Variants in MERTK observed in about 807,000 individuals in gnomAD.
MERTK encodes tyrosine-protein kinase Mer.
Under a neutral mutation model 99.3 loss-of-function variants are expected in MERTK, and 69 were observed. The ratio of observed to expected loss-of-function variants is 0.70; its 90% confidence interval spans 0.57 to 0.85. MERTK has a LOEUF of 0.85. Among genes scored for constraint, MERTK ranks in the 40% least tolerant of loss-of-function variants. The pLI is 0.00. For synonymous variants in MERTK, 426 were observed against 467.6 expected, an observed-to-expected ratio of 0.91 and a Z score of 1.15; for missense variants, 1,125 against 1,249.4, an observed-to-expected ratio of 0.90 and a Z score of 1.50.
intron 15 of MERTK, among the ~76,000 whole-genome samples, chr2:112,014,317 G>C (rs371286757): frequency 6.6e-6 from 1 of 151,070 alleles, no homozygotes; most frequent in Non-Finnish European, 1.5e-5. Context: ...CACCGTGCCC[G>C]GCCATGCCTG....
rs201000426 is a variant in MERTK at position 112,014,635 on chromosome 2, CT to C, written c.2079+4581del. Among the ~76,000 whole-genome samples the C allele has an allele frequency of 4.6e-3, 678 of 145,922 alleles. 5 individuals are homozygous for C. The highest frequency in any genetic ancestry group is 0.015 in the African/African-American group (597 of 39,944). On this transcript the variant is annotated intron_variant, in intron 15 of 18. Coordinates refer to ENST00000295408, the MANE Select transcript of MERTK (RefSeq NM_006343.3). ...ATAAATGGAGTCATACATTTATAAC[CT>C]TTTTTTTTTTTCTTTTTGAGACAGA...
chr2:111,963,204 G>A (rs1290765080), intron 4 of MERTK, among the ~76,000 whole-genome samples: 1 of 152,216 alleles, frequency 6.6e-6, no homozygotes, highest in African/African-American at 2.4e-5. Context: ...CAGTATTGCT[G>A]CCGCATGTCC....
At chr2:112,026,873 A>G (rs1279183133) in intron 18 of MERTK, among the ~76,000 whole-genome samples, 1 of 152,226 alleles carries the variant, frequency 6.6e-6, no homozygotes, top group East Asian at 1.9e-4. Flanking sequence ...CAATATGGAA[A>G]TTGCATATTT....
chr2:112,029,141 G>A lies in MERTK; in HGVS notation c.*277G>A. The A allele has an allele frequency of 2.7e-6, 3 of 1,099,208 alleles. No individual in the cohort carries two copies. The highest frequency in any genetic ancestry group is 2.2e-6 in the Non-Finnish European group (2 of 896,172). The allele number at this position is 1,099,208 out of a possible 1,614,324, so 68.1% of individuals were successfully genotyped here. On this transcript the variant is annotated 3_prime_UTR_variant, in exon 19 of 19. Transcript: ENST00000295408. ...CTTATCTTGCATATCTTAAAATTAA[G>A]CTTCAGCTGCTCCTTGATATTAACA...
intron 14 of MERTK, 184 bp downstream of exon 14, chr2:112,008,659 T>A: frequency 1.4e-6 from 1 of 694,644 alleles, no homozygotes; most frequent in South Asian, 1.5e-5. Context: ...ATAGTAATAA[T>A]GAGTTTGCAT....
intron 15 of MERTK, among the ~76,000 whole-genome samples, chr2:112,012,307 C>T (rs1014191732): frequency 2.1e-5 from 2 of 94,772 alleles, no homozygotes; most frequent in Admixed American, 1.1e-4. Context: ...ACTTCCCCCC[C>T]ACCCCCACAC....
At position 111,932,014 on chromosome 2, in the gene MERTK, A is replaced by G. The variant is rs189126202; in HGVS notation, c.482+2474A>G. 1.9e-3 allele frequency among the ~76,000 whole-genome samples: 285 copies of G among 152,318 alleles called. 1 individual carries two copies. Among genetic ancestry groups the G allele is most frequent in the African/African-American group, 6.5e-3 (272 of 41,564 alleles). ...TTTTGGACCCATCTCTTTAGAGTAC[A>G]GAAGATGACCTGGGTATTATTTTGA... is the stretch of plus-strand genomic sequence containing the variant. On this transcript the variant is annotated intron_variant, in intron 2 of 18. Transcript: ENST00000295408.
In MERTK at chr2:111,955,264, GCTTT is replaced by G. The variant is rs577596827; in HGVS notation, c.757+7702_757+7705del. On this transcript the variant is annotated intron_variant, in intron 4 of 18. Coordinates refer to ENST00000295408, the MANE Select transcript of MERTK (RefSeq NM_006343.3). ...TTTATTTTTCCTCTGTGTTGTATGAGCTTTCTTTAAGGGACATGAAAAGAAGTAC... is the reference window on the plus strand; with the variant it reads ...TTTATTTTTCCTCTGTGTTGTATGAGCTTTAAGGGACATGAAAAGAAGTAC... 8.2e-4 allele frequency among the ~76,000 whole-genome samples: 125 copies of G among 152,268 alleles called. 1 individual carries two copies. The highest frequency in any genetic ancestry group is 2.6e-3 in the African/African-American group (106 of 41,550).
Position 111,898,637 on chromosome 2 carries a change from C to T in MERTK, c.-99C>T. ...GCACTCACTGCCCGGGCCGCCCGGA[C>T]AGGGAGCTTCGCTGGCGCGCTTGGC... is the stretch of plus-strand genomic sequence containing the variant. On this transcript the variant is annotated 5_prime_UTR_variant, in exon 1 of 19. Coordinates refer to ENST00000295408, the MANE Select transcript of MERTK (RefSeq NM_006343.3). 5 of 1,431,888 alleles carry T rather than the reference C, an allele frequency of 3.5e-6. No homozygotes were observed. Among genetic ancestry groups the T allele is most frequent in the Non-Finnish European group, 3.8e-6 (4 of 1,040,554 alleles). 88.7% of individuals were successfully genotyped at this position (1,431,888 alleles called of 1,614,324 possible). A position where few individuals can be genotyped will look rare whatever the true frequency, so the allele number is the denominator to read the frequency against.
At chr2:111,915,588 A>AGT (rs1573567250) in intron 1 of MERTK, among the ~76,000 whole-genome samples, 1 of 1,752 alleles carries the variant, frequency 5.7e-4, no homozygotes, top group Admixed American at 9.3e-3. Flanking sequence ...TTTTCTTGAC[A>AGT]CTTCTTTGAC....
intron 12 of MERTK, 35 bp downstream of exon 12, chr2:112,003,222 G>C: frequency 1.0e-6 from 1 of 974,138 alleles, no homozygotes; most frequent in Non-Finnish European, 1.7e-6. Context: ...TAAAATGTGG[G>C]ATAAGAAGGT....
In MERTK at chr2:112,003,086, T is replaced by A. The variant is rs774702347; in HGVS notation, c.1691-6T>A. On this transcript the variant is annotated splice_region_variant and splice_polypyrimidine_tract_variant and intron_variant, in intron 11 of 18. Transcript: ENST00000295408. ...TTTTGTACATACTATGTTACTCCTT[T>A]TTCAGTACATAGCTTGGGAGTCAGT... 1.2e-5 allele frequency: 17 copies of A among 1,428,542 alleles called. No individual in the cohort carries two copies. In the Admixed American group the frequency reaches 2.8e-4, roughly 24 times the overall value. The allele number at this position is 1,428,542 out of a possible 1,614,324, so 88.5% of individuals were successfully genotyped here.
chr2:111,916,714 G>A (rs72823485), intron 1 of MERTK, among the ~76,000 whole-genome samples: 5,057 of 152,066 alleles, frequency 0.033, 124 homozygotes, highest in Middle Eastern at 0.092. Context: ...TTTGATGTTG[G>A]CATTTCATTC....
intron 2 of MERTK, among the ~76,000 whole-genome samples, chr2:111,935,638 CGTGTGTGTGT>C (rs55986780): frequency 0.053 from 7,436 of 139,850 alleles, 225 homozygotes; most frequent in Admixed American, 0.1. Context: ...GGTCTTGGCT[CGTGTGTGTGT>C]GTGTGTGTGT....
At chr2:111,963,924 A>G (rs962922925) in intron 4 of MERTK, among the ~76,000 whole-genome samples, 2 of 152,036 alleles carry the variant, frequency 1.3e-5, no homozygotes, top group Non-Finnish European at 2.9e-5. Flanking sequence ...GAGGAAGGCC[A>G]TAGAGGTGAA....
chr2:111,963,000 A>G (rs1685279765), intron 4 of MERTK, among the ~76,000 whole-genome samples: 1 of 152,088 alleles, frequency 6.6e-6, no homozygotes, highest in Non-Finnish European at 1.5e-5. Flanking sequence ...CCGGCCTCTG[A>G]GTTCCCTTAG....
intron 16 of MERTK, 118 bp downstream of exon 16, chr2:112,019,640 T>G: frequency 1.3e-6 from 1 of 795,336 alleles, no homozygotes. Context: ...CAGCGGGGGA[T>G]GGTGTGGCTT....
At chr2:111,965,355 T>A (rs1685340907) in intron 5 of MERTK, 78 bp downstream of exon 5, 1 of 1,364,912 alleles carries the variant, frequency 7.3e-7, no homozygotes, top group Non-Finnish European at 1.0e-6. Context: ...GCTGGCTGCC[T>A]GGGTGTGGAT....
chr2:111,995,827 G>C (rs1676723892), intron 9 of MERTK, among the ~76,000 whole-genome samples: 1 of 152,096 alleles, frequency 6.6e-6, no homozygotes, highest in African/African-American at 2.4e-5. Flanking sequence ...GGGTGTGGTG[G>C]CATGCGCCTG....
Sources: allele counts gnomAD v4.1 joint callset (sites outside exome capture counted in the v4.1 genomes callset), GRCh38; gene constraint gnomAD v4.1.1; transcripts MANE v1.5; gene names NCBI Gene and HGNC (gene_info 2026-07-23, HGNC 2026-07-21).